FBXL17: variants seen among roughly 807,000 people sequenced by gnomAD.
The protein encoded by FBXL17 is F-box/LRR-repeat protein 17.
A neutral mutation model predicts 66.2 loss-of-function variants in FBXL17; 22 were observed. The observed-to-expected ratio is 0.33, with a 90% CI of 0.24 to 0.47. The LOEUF (loss-of-function observed/expected upper bound fraction) is 0.47, where lower values mean the gene tolerates loss of function less well. Among genes scored for constraint, FBXL17 ranks in the 20% least tolerant of loss-of-function variants. The probability of loss-of-function intolerance (pLI) is 1.00; values close to 1 mark genes in which losing one functional copy is unlikely to be tolerated. For missense variants in FBXL17, 878 were observed against 948.2 expected, an observed-to-expected ratio of 0.93 and a Z score of 0.97; for synonymous variants, 474 against 400.5, an observed-to-expected ratio of 1.18 and a Z score of -2.19.
chr5:108,224,083 A>C, intron 5 of FBXL17, 38 bp downstream of exon 5: 1 of 1,063,032 alleles, frequency 9.4e-7, no homozygotes, highest in Non-Finnish European at 1.4e-6. Flanking sequence ...CCTGTATGAT[A>C]CTCAAAAATA....
intron 7 of FBXL17, among the ~76,000 whole-genome samples, chr5:107,979,343 C>T (rs990044023): frequency 6.6e-5 from 10 of 152,104 alleles, no homozygotes; most frequent in Admixed American, 3.9e-4. Context: ...CTAATCATAT[C>T]ATTACTATTT....
intron 6 of FBXL17, among the ~76,000 whole-genome samples, chr5:108,150,293 TC>T: frequency 6.6e-6 from 1 of 152,198 alleles, no homozygotes; most frequent in South Asian, 2.1e-4. Context: ...AGCTTCAATC[TC>T]TCAGGTCCAA....
chr5:108,103,037 A>C (rs947212019), intron 6 of FBXL17, among the ~76,000 whole-genome samples: 1 of 152,264 alleles, frequency 6.6e-6, no homozygotes, highest in African/African-American at 2.4e-5. Context: ...GATATTTGCC[A>C]TAAGAATTAC....
intron 6 of FBXL17, among the ~76,000 whole-genome samples, chr5:108,036,941 G>C (rs1746864936): frequency 6.6e-6 from 1 of 152,136 alleles, no homozygotes; most frequent in African/African-American, 2.4e-5. Context: ...GTTAGGAAGA[G>C]AAATACCTAG....
At chr5:107,975,020 C>G (rs1203157086) in intron 7 of FBXL17, among the ~76,000 whole-genome samples, 3 of 152,126 alleles carry the variant, frequency 2.0e-5, no homozygotes, top group African/African-American at 7.2e-5. Context: ...ATATCAAAAG[C>G]CTGCCCTAGA....
At chr5:108,369,335 T>C (rs577977128) in intron 1 of FBXL17, among the ~76,000 whole-genome samples, 2 of 152,310 alleles carry the variant, frequency 1.3e-5, no homozygotes, top group South Asian at 2.1e-4. Context: ...ACCGAACCAA[T>C]GTATATCTTA....
In FBXL17 at chr5:108,242,750, T is replaced by C. The variant is rs191115172; in HGVS notation, c.1507-18522A>G. 2.4e-3 allele frequency among the ~76,000 whole-genome samples: 367 copies of C among 152,250 alleles called. 3 individuals carry two copies. The highest frequency in any genetic ancestry group is 4.1e-3 in the Non-Finnish European group (279 of 68,010). On this transcript the variant is annotated intron_variant, in intron 4 of 8. Transcript: ENST00000542267. Reference sequence around the variant, plus strand: ...CAGCTTCATCTACTTCCAAAACACATTTAAGTATTTTAATATATCTATAAA... The same window carrying C: ...CAGCTTCATCTACTTCCAAAACACACTTAAGTATTTTAATATATCTATAAA...
intron 7 of FBXL17, among the ~76,000 whole-genome samples, chr5:108,009,286 T>TAGATATAGAGAG (rs1172522525): frequency 1.9e-5 from 1 of 53,790 alleles, no homozygotes; most frequent in African/African-American, 1.2e-4. Flanking sequence ...TATATATATA[T>TAGATATAGAGAG]ATATATATAT....
chr5:108,275,854 C>T (rs1219926203), intron 4 of FBXL17, among the ~76,000 whole-genome samples: 5 of 152,174 alleles, frequency 3.3e-5, no homozygotes, highest in Non-Finnish European at 4.4e-5. Flanking sequence ...ACTTTCTTTG[C>T]TGGCTCTAAT....
chr5:108,379,355 C>T (rs1056632452), intron 1 of FBXL17, among the ~76,000 whole-genome samples: 29 of 152,182 alleles, frequency 1.9e-4, no homozygotes, highest in South Asian at 2.1e-4. Context: ...AGAAAGTTCC[C>T]TTTGTCCTAA....
At chr5:108,092,763 T>C in intron 6 of FBXL17, among the ~76,000 whole-genome samples, 1 of 152,186 alleles carries the variant, frequency 6.6e-6, no homozygotes, top group Admixed American at 6.6e-5. Context: ...GGGATGAATG[T>C]TTCCCAAAGG....
chr5:108,093,475 AAAG>A (rs2149932593), intron 6 of FBXL17, among the ~76,000 whole-genome samples: 1 of 152,282 alleles, frequency 6.6e-6, no homozygotes, highest in African/African-American at 2.4e-5. Context: ...GATTACTACT[AAAG>A]AAGATTTCCT....
At chr5:108,201,701 A>G (rs751509992) in intron 5 of FBXL17, among the ~76,000 whole-genome samples, 4 of 151,906 alleles carry the variant, frequency 2.6e-5, no homozygotes, top group Admixed American at 2.0e-4. Flanking sequence ...GGTTTCTCTA[A>G]TTCGGGCAGT....
chr5:108,079,765 TTGTGAAGTA>T (rs760575834), intron 6 of FBXL17, among the ~76,000 whole-genome samples: 1 of 152,176 alleles, frequency 6.6e-6, no homozygotes, highest in Non-Finnish European at 1.5e-5. Context: ...GAAGTAGCAA[TTGTGAAGTA>T]TTTTAGGTTG....
In FBXL17 at chr5:108,258,282, C is replaced by A. The variant is rs530621478; in HGVS notation, c.1507-34054G>T. Among the ~76,000 whole-genome samples, 6 of 152,220 alleles carry A rather than the reference C, an allele frequency of 3.9e-5. No homozygotes were observed. The East Asian group carries it at 9.7e-4, about 25-fold the overall frequency. Reference sequence around the variant, plus strand: ...AAGAGTGCCCTCACCAGAAATCAAACCCTGCCAGACCTTGATCTTGGACTT... The same window carrying A: ...AAGAGTGCCCTCACCAGAAATCAAAACCTGCCAGACCTTGATCTTGGACTT... On this transcript the variant is annotated intron_variant, in intron 4 of 8. Coordinates refer to ENST00000542267, the MANE Select transcript of FBXL17 (RefSeq NM_001163315.3).
intron 8 of FBXL17, among the ~76,000 whole-genome samples, chr5:107,872,410 A>G (rs1430564330): frequency 6.6e-6 from 1 of 152,250 alleles, no homozygotes; most frequent in Non-Finnish European, 1.5e-5. Context: ...TAAATTATTA[A>G]GAGGCAGTGG....
intron 4 of FBXL17, among the ~76,000 whole-genome samples, chr5:108,307,649 T>C (rs2150191309): frequency 6.6e-6 from 1 of 152,198 alleles, no homozygotes; most frequent in East Asian, 1.9e-4. Flanking sequence ...TCTGATTTTG[T>C]TTAACATATA....
At chr5:107,942,353 C>A (rs905828521) in intron 7 of FBXL17, among the ~76,000 whole-genome samples, 3 of 152,146 alleles carry the variant, frequency 2.0e-5, no homozygotes, top group Non-Finnish European at 4.4e-5. Flanking sequence ...TTTTTTCAAA[C>A]GTGTGTGTTC....
rs556610477 is a variant in FBXL17, at chr5:107,869,944, T to C, written c.1966-8084A>G. 3.3e-5 allele frequency among the ~76,000 whole-genome samples: 5 copies of C among 152,308 alleles called. No individual in the cohort carries two copies. The East Asian group carries it at 9.6e-4, about 29-fold the overall frequency. ...AAATGTTTACTGACATGGGATGAAT[T>C]AAACTGTGTCTACAATGGCAAGCAA... On this transcript the variant is annotated intron_variant, in intron 8 of 8. Coordinates refer to ENST00000542267, the MANE Select transcript of FBXL17 (RefSeq NM_001163315.3).
Sources: allele counts gnomAD v4.1 joint callset (sites outside exome capture counted in the v4.1 genomes callset), GRCh38; gene constraint gnomAD v4.1.1; transcripts MANE v1.5; gene names NCBI Gene and HGNC (gene_info 2026-07-23, HGNC 2026-07-21).